Variants in ZC4H2 observed in about 807,000 individuals in gnomAD.
The protein encoded by ZC4H2 is zinc finger C4H2 domain-containing protein.
For synonymous variants in ZC4H2, 84 were observed against 66.3 expected (o/e 1.27, Z -1.30); for missense variants, 137 against 173.9 (o/e 0.79, Z 1.19).
chrX:64,953,059 C>G (rs929037918), intron 1 of ZC4H2, among the ~76,000 whole-genome samples: 1 of 111,975 alleles, frequency 8.9e-6, no homozygotes, highest in Non-Finnish European at 1.9e-5. Flanking sequence ...CTGACAAAAA[C>G]AAGCAATGGG....
intron 1 of ZC4H2, among the ~76,000 whole-genome samples, chrX:65,024,648 T>G (rs1014275908): frequency 6.3e-5 from 7 of 111,960 alleles, no homozygotes; most frequent in African/African-American, 9.7e-5. Flanking sequence ...TCAATCCAGG[T>G]GCTCATTAAT....
chrX:65,008,293 G>C (rs191115465), intron 1 of ZC4H2, among the ~76,000 whole-genome samples: 4 of 111,606 alleles, frequency 3.6e-5, no homozygotes, highest in Non-Finnish European at 7.5e-5. Flanking sequence ...TATGGCTTTT[G>C]TCTAAAAGAT....
chrX:65,024,841 G>A (rs1212287882), intron 1 of ZC4H2, among the ~76,000 whole-genome samples: 3 of 111,578 alleles, frequency 2.7e-5, no homozygotes, highest in Non-Finnish European at 5.6e-5. Flanking sequence ...GCTAAACATT[G>A]AGTAGACATG....
chrX:64,941,377 C>A (rs1488726213), intron 1 of ZC4H2, among the ~76,000 whole-genome samples: 1 of 111,664 alleles, frequency 9.0e-6, no homozygotes, highest in African/African-American at 3.3e-5. Flanking sequence ...TATTTGAATA[C>A]CATTATTTCC....
At chrX:64,988,256 G>A (rs1444914618) in intron 1 of ZC4H2, among the ~76,000 whole-genome samples, 1 of 111,196 alleles carries the variant, frequency 9.0e-6, no homozygotes, top group Admixed American at 9.5e-5. Flanking sequence ...ACCCAGTAAT[G>A]TGATGGCTGG....
chrX:65,016,060 A>T (rs1214720522), intron 1 of ZC4H2, among the ~76,000 whole-genome samples: 1 of 112,116 alleles, frequency 8.9e-6, no homozygotes, highest in Non-Finnish European at 1.9e-5. Flanking sequence ...ATATTTAGCA[A>T]ATTTATTTTT....
chrX:64,924,304 A>G (rs1929335166), intron 1 of ZC4H2, among the ~76,000 whole-genome samples: 1 of 112,320 alleles, frequency 8.9e-6, no homozygotes, highest in African/African-American at 3.2e-5. Flanking sequence ...TATTTTAACT[A>G]TATTTATTGA....
At chrX:64,961,432 C>A (rs1049362339) in intron 1 of ZC4H2, among the ~76,000 whole-genome samples, 7 of 110,884 alleles carry the variant, frequency 6.3e-5, no homozygotes, top group African/African-American at 2.3e-4. Flanking sequence ...TTATTTGAAT[C>A]TTTTTTATTT....
chrX:64,989,410 A>G (rs1458514335), intron 1 of ZC4H2, among the ~76,000 whole-genome samples: 1 of 111,719 alleles, frequency 9.0e-6, no homozygotes, highest in Non-Finnish European at 1.9e-5. Context: ...AGTGGTTTGT[A>G]GTTCTCCTTG....
At chrX:64,999,992 G>A (rs1238175599) in intron 1 of ZC4H2, among the ~76,000 whole-genome samples, 1 of 112,207 alleles carries the variant, frequency 8.9e-6, no homozygotes, top group Non-Finnish European at 1.9e-5. Context: ...GCACCTGGGG[G>A]AAGGGGCGGT....
chrX:65,009,010 G>GGAC (rs927652159), intron 1 of ZC4H2, among the ~76,000 whole-genome samples: 1 of 111,646 alleles, frequency 9.0e-6, no homozygotes, highest in African/African-American at 3.3e-5. Flanking sequence ...TTGAGGTGAT[G>GGAC]GACACCACAA....
Position 64,917,528 on chromosome X carries a change from G to T in ZC4H2, c.*255C>A. 1 of 331,408 alleles carries T rather than the reference G, an allele frequency of 3.0e-6. No homozygotes were observed. The highest frequency in any genetic ancestry group is 5.7e-5 in the East Asian group (1 of 17,607). The allele number at this position is 331,408 out of a possible 1,213,427, so 27.3% of individuals were successfully genotyped here. A position where few individuals can be genotyped will look rare whatever the true frequency, so the allele number is the denominator to read the frequency against. On this transcript the variant is annotated 3_prime_UTR_variant, in exon 5 of 5. Coordinates refer to ENST00000374839, the MANE Select transcript of ZC4H2 (RefSeq NM_018684.4). The stretch of plus-strand genomic sequence containing the variant: ...GCCCTTCCCTTAGCTCCAAACAAGG[G>T]CAGGGGTTGAAATGTGAGTGGGAGA...
At chrX:64,960,175 G>A (rs1317868082) in intron 1 of ZC4H2, among the ~76,000 whole-genome samples, 1 of 110,954 alleles carries the variant, frequency 9.0e-6, no homozygotes, top group Non-Finnish European at 1.9e-5. Flanking sequence ...CTCAGTCAGA[G>A]CCTGCTAGTC....
chrX:64,935,217 T>C (rs1421037171), intron 1 of ZC4H2, among the ~76,000 whole-genome samples: 2 of 111,565 alleles, frequency 1.8e-5, no homozygotes, highest in Non-Finnish European at 3.8e-5. Flanking sequence ...TCAGGGAAGT[T>C]CAAAATGGGT....
At chrX:64,939,321 T>C (rs1477385138) in intron 1 of ZC4H2, among the ~76,000 whole-genome samples, 7 of 111,771 alleles carry the variant, frequency 6.3e-5, no homozygotes, top group Non-Finnish European at 1.3e-4. Flanking sequence ...ATTCCATGCT[T>C]ATGGATAGGA....
Position 64,917,894 on chromosome X carries a change from G to A in ZC4H2, c.564C>T (p.Ala188=). The A allele has an allele frequency of 8.3e-7, 1 of 1,206,639 alleles. No homozygotes were observed. The highest frequency in any genetic ancestry group is 1.1e-6 in the Non-Finnish European group (1 of 892,912). Residue 188 remains alanine, a splice_region_variant and synonymous_variant, in exon 5 of 5, where the codon GCC becomes GCT. Transcript: ENST00000374839. ...TFRQQPPPMK[A]CLSCHQQIHR... is the part of the protein sequence containing the mutation. ...GAATTTGCTGGTGACATGACAAGCA[G>A]GCCTGGTGAGGGACACAGGAAAAAG...
At chrX:64,946,281 A>G (rs993789404) in intron 1 of ZC4H2, among the ~76,000 whole-genome samples, 24 of 111,571 alleles carry the variant, frequency 2.2e-4, no homozygotes, top group Non-Finnish European at 3.8e-4. Flanking sequence ...GCAGGTTGCA[A>G]AAACCATAAG....
At chrX:64,950,136 G>C (rs1281653882) in intron 1 of ZC4H2, among the ~76,000 whole-genome samples, 1 of 111,884 alleles carries the variant, frequency 8.9e-6, no homozygotes, top group African/African-American at 3.2e-5. Context: ...AGGTTGTTCA[G>C]TTTCCATGTA....
chrX:65,018,821 C>T (rs2147290378), intron 1 of ZC4H2, among the ~76,000 whole-genome samples: 1 of 111,411 alleles, frequency 9.0e-6, no homozygotes, highest in African/African-American at 3.3e-5. Context: ...AGTCTAAGGT[C>T]GATCTGGGAC....
Sources: gnomAD v4.1 joint callset for allele counts (sites outside exome capture counted in the v4.1 genomes callset) on GRCh38, gnomAD v4.1.1 for gene constraint, MANE v1.5 for transcripts, NCBI Gene and HGNC (gene_info 2026-07-23, HGNC 2026-07-21) for gene names.